WDTC1: variants seen among roughly 807,000 people sequenced by gnomAD.
The protein encoded by WDTC1 is WD and tetratricopeptide repeats 1.
Under a neutral mutation model 76.0 loss-of-function variants are expected in WDTC1, and 12 were observed. That is an observed-to-expected ratio of 0.16 (90% CI 0.10 to 0.26). The LOEUF (loss-of-function observed/expected upper bound fraction) is 0.26, where lower values mean the gene tolerates loss of function less well. WDTC1 is among the 10% of genes least tolerant of loss of function. WDTC1 has a pLI of 1.00. For synonymous variants in WDTC1, 326 were observed against 350.8 expected, an observed-to-expected ratio of 0.93 and a Z score of 0.79; for missense variants, 511 against 908.8, an observed-to-expected ratio of 0.56 and a Z score of 5.63.
chr1:27,306,416 T>C lies in WDTC1; in HGVS notation c.*33T>C. ...AGCCCTGGTCCCCAGCCCCTGCTAC[T>C]GGCTGGACCCTCTGCCCTGGGCAGG... is the stretch of plus-strand genomic sequence containing the variant. On this transcript the variant is annotated 3_prime_UTR_variant, in exon 16 of 16. Transcript: ENST00000319394. The surrounding 1 kb of genome is among the most constrained non-coding windows in gnomAD (Gnocchi z 5.0). 2 of 1,599,614 alleles carry C rather than the reference T, an allele frequency of 1.3e-6. No individual in the cohort carries two copies. Among genetic ancestry groups the C allele is most frequent in the African/African-American group, 2.7e-5 (2 of 74,908 alleles).
At chr1:27,289,433 C>T (rs1464775797) in intron 6 of WDTC1, among the ~76,000 whole-genome samples, 7 of 150,614 alleles carry the variant, frequency 4.6e-5, no homozygotes, top group East Asian at 2.0e-4. Context: ...GATGGGCGGC[C>T]GGGCAGAGAC....
chr1:27,243,572 T>A (rs961737460), intron 1 of WDTC1, among the ~76,000 whole-genome samples: 1 of 152,032 alleles, frequency 6.6e-6, no homozygotes, highest in Non-Finnish European at 1.5e-5. Flanking sequence ...ATAGGTTGAC[T>A]CTCTGTCTAA....
chr1:27,273,240 G>A (rs1478133963), intron 3 of WDTC1, among the ~76,000 whole-genome samples: 21 of 118,504 alleles, frequency 1.8e-4, no homozygotes, highest in African/African-American at 5.9e-4. Flanking sequence ...ATGGAGTCTC[G>A]CTCTGTCAGC....
In WDTC1 at chr1:27,280,001, A is replaced by G. The variant is rs933495150; in HGVS notation, c.133-2238A>G. 8.5e-5 allele frequency among the ~76,000 whole-genome samples: 13 copies of G among 152,246 alleles called. No individual in the cohort carries two copies. In the East Asian group the frequency reaches 2.3e-3, roughly 27 times the overall value. On this transcript the variant is annotated intron_variant, in intron 3 of 15. Coordinates refer to ENST00000319394, the MANE Select transcript of WDTC1 (RefSeq NM_001276252.2). ...ACTGTTCATTTCCCACAACAACCCT[A>G]TGAGGCTATCTACAATTATTATCTT...
chr1:27,282,407 T>C (rs2013213641), intron 4 of WDTC1, 122 bp downstream of exon 4: 2 of 898,058 alleles, frequency 2.2e-6, no homozygotes, highest in South Asian at 1.6e-5. Context: ...AGACTGCTGC[T>C]GTCTGCCGTT....
chr1:27,235,405 TG>T lies in WDTC1; in HGVS notation c.-100+455del, dbSNP rs2011474540. ...TTCTCTCTCTCTTTCTGTGTGTGTGTGTGTGTGTGTGTGTGTGTGTGTGTGT... is the reference window on the plus strand; with the variant it reads ...TTCTCTCTCTCTTTCTGTGTGTGTGTTGTGTGTGTGTGTGTGTGTGTGTGT... On this transcript the variant is annotated intron_variant, in intron 1 of 15. Transcript: ENST00000319394. Among the ~76,000 whole-genome samples, 25 of 142,726 alleles carry T rather than the reference TG, an allele frequency of 1.8e-4. No homozygotes were observed. The South Asian group carries it at 5.4e-3, about 31-fold the overall frequency. 93.6% of individuals were successfully genotyped at this position (142,726 alleles called of 152,430 possible).
At chr1:27,287,372 G>T (rs1026356568) in intron 5 of WDTC1, among the ~76,000 whole-genome samples, 10 of 144,896 alleles carry the variant, frequency 6.9e-5, no homozygotes, top group East Asian at 2.0e-4. Flanking sequence ...TTTGTTTTTT[G>T]TTGTTGTTGT....
intron 1 of WDTC1, among the ~76,000 whole-genome samples, chr1:27,244,233 C>T (rs759219050): frequency 2.0e-5 from 3 of 152,062 alleles, no homozygotes; most frequent in African/African-American, 4.8e-5. Flanking sequence ...AAAGAAATGT[C>T]AAGTCAGACA....
At chr1:27,284,849 C>G (rs995256068) in intron 5 of WDTC1, among the ~76,000 whole-genome samples, 3 of 151,744 alleles carry the variant, frequency 2.0e-5, no homozygotes, top group Non-Finnish European at 4.4e-5. Context: ...TTAACTCATG[C>G]GCTCCCCCTG....
At chr1:27,269,862 G>A (rs889683785) in intron 3 of WDTC1, among the ~76,000 whole-genome samples, 2 of 151,428 alleles carry the variant, frequency 1.3e-5, no homozygotes, top group African/African-American at 4.9e-5. Flanking sequence ...CGCCTGCCTC[G>A]ACCTCCCAAA....
chr1:27,240,916 A>T (rs1381359590), intron 1 of WDTC1, among the ~76,000 whole-genome samples: 1 of 150,236 alleles, frequency 6.7e-6, no homozygotes, highest in Non-Finnish European at 1.5e-5. Flanking sequence ...TGGAGGTTGC[A>T]GTGAGTTGAG....
At chr1:27,249,360 A>C (rs4440880) in intron 1 of WDTC1, among the ~76,000 whole-genome samples, 112,265 of 151,804 alleles carry the variant, frequency 0.74, 42,498 homozygotes, top group East Asian at 0.86. Flanking sequence ...TCCTATTTCT[A>C]TTCTATTTTG....
intron 3 of WDTC1, among the ~76,000 whole-genome samples, chr1:27,272,729 A>G (rs1432395436): frequency 6.6e-6 from 1 of 152,126 alleles, no homozygotes; most frequent in East Asian, 1.9e-4. Context: ...CCTGGGTAAC[A>G]TAGTGAGATC....
At chr1:27,254,470 A>C (rs1163518120) in intron 1 of WDTC1, among the ~76,000 whole-genome samples, 1 of 151,850 alleles carries the variant, frequency 6.6e-6, no homozygotes, top group Non-Finnish European at 1.5e-5. Context: ...ATGGTGATGC[A>C]CTCCTGTAAT....
At chr1:27,243,927 A>G (rs1279411321) in intron 1 of WDTC1, among the ~76,000 whole-genome samples, 1 of 149,618 alleles carries the variant, frequency 6.7e-6, no homozygotes, top group East Asian at 2.0e-4. Context: ...GGAGTTCGAG[A>G]CCAGCCTGGG....
intron 6 of WDTC1, among the ~76,000 whole-genome samples, chr1:27,289,178 C>T (rs2013446471): frequency 6.7e-6 from 1 of 150,192 alleles, no homozygotes; most frequent in African/African-American, 2.5e-5. Flanking sequence ...CCCCTCACCT[C>T]CCGGACGGGG....
chr1:27,269,581 A>G (rs966858351), intron 3 of WDTC1, among the ~76,000 whole-genome samples: 8 of 144,748 alleles, frequency 5.5e-5, no homozygotes, highest in Non-Finnish European at 7.5e-5. Context: ...TAAGAGCAAC[A>G]TGATCAGATT....
At chr1:27,250,757 C>T (rs1206666936) in intron 1 of WDTC1, among the ~76,000 whole-genome samples, 1 of 152,024 alleles carries the variant, frequency 6.6e-6, no homozygotes, top group Non-Finnish European at 1.5e-5. Context: ...GTGATCTTCA[C>T]AAATGTACTT....
chr1:27,298,775 A>G (rs1236002401), intron 12 of WDTC1, among the ~76,000 whole-genome samples: 1 of 81,458 alleles, frequency 1.2e-5, no homozygotes, highest in African/African-American at 4.8e-5. Context: ...TCCCCCAGCC[A>G]GGGCCAGGAC....
Sources: allele counts gnomAD v4.1 joint callset (sites outside exome capture counted in the v4.1 genomes callset), GRCh38; gene constraint gnomAD v4.1.1; non-coding constraint Gnocchi (gnomAD v3.1); transcripts MANE v1.5; gene names NCBI Gene and HGNC (gene_info 2026-07-23, HGNC 2026-07-21).